The following PAF1 variants were observed in gnomAD, a reference collection of about 807,000 sequenced individuals.
PAF1 encodes the protein PAF1 component of Paf1/RNA polymerase II complex, also known as RNA polymerase II-associated factor 1 homolog.
In PAF1, 31 loss-of-function variants were observed where a neutral mutation model predicts 68.4. The ratio of observed to expected loss-of-function variants is 0.45; its 90% CI spans 0.34 to 0.61. PAF1 has a LOEUF of 0.61. PAF1 is among the 20% of genes least tolerant of loss of function. The pLI is 0.01. For synonymous variants in PAF1, 256 were observed against 240.5 expected, an observed-to-expected ratio of 1.06 and a Z score of -0.60; for missense variants, 435 against 692.9, an observed-to-expected ratio of 0.63 and a Z score of 4.18.
At chr19:39,390,481 C>T (rs1289937596) in intron 1 of PAF1, among the ~76,000 whole-genome samples, 192 bp from the exon 2 acceptor site, 1 of 152,176 alleles carries the variant, frequency 6.6e-6, no homozygotes, top group Non-Finnish European at 1.5e-5. Context: ...GAAATGCCCC[C>T]AAAAGCTTTA....
At chr19:39,390,324 A>G in intron 1 of PAF1, 35 bp from the exon 2 acceptor site, 1 of 1,592,586 alleles carries the variant, frequency 6.3e-7, no homozygotes, top group Non-Finnish European at 8.6e-7. Flanking sequence ...ATAGGTGGAG[A>G]GGACGGGATT....
chr19:39,390,375 T>TATA (rs67921476), intron 1 of PAF1, 86 bp from the exon 2 acceptor site: 4 of 1,297,892 alleles, frequency 3.1e-6, no homozygotes, highest in East Asian at 5.0e-5. Context: ...TTTCAAAAGG[T>TATA]AGGAGGGGTG....
chr19:39,389,986 G>T lies in PAF1; in HGVS notation c.170+83C>A. On this transcript the variant is annotated intron_variant, in intron 3 of 13. Transcript: ENST00000221265. This position sits in a 1 kb window ranked among gnomAD's most constrained non-coding sequence, Gnocchi z 5.3. ...TAGGGTAGGTACTGTGCTAGGCCCT[G>T]AGCAGACAGCAGCCAACGAGACAAG... The T allele has an allele frequency of 8.4e-7, 1 of 1,190,850 alleles. No homozygotes were observed. Among genetic ancestry groups the T allele is most frequent in the Non-Finnish European group, 1.2e-6 (1 of 801,254 alleles). The allele number at this position is 1,190,850 out of a possible 1,614,324, so 73.8% of individuals were successfully genotyped here.
In PAF1 at chr19:39,388,935, C is replaced by G. The variant is rs139469203; in HGVS notation, c.636+12G>C. The G allele has an allele frequency of 2.6e-4, 423 of 1,613,976 alleles. No individual in the cohort carries two copies. In the African/African-American group the frequency reaches 5.1e-3, roughly 19 times the overall value. On this transcript the variant is annotated intron_variant, in intron 8 of 13. Transcript: ENST00000221265. ...TAGGCTGTCCCTTTCTACCTCCCACCTTGGGCCTGACCTTAAAGTCTGGGA... is the reference window on the plus strand; with the variant it reads ...TAGGCTGTCCCTTTCTACCTCCCACGTTGGGCCTGACCTTAAAGTCTGGGA...
rs940322979 is a variant in PAF1 at position 39,386,848 on chromosome 19, C to G, written c.987-49G>C. On this transcript the variant is annotated intron_variant, in intron 11 of 13. Transcript: ENST00000221265. This position sits in a 1 kb window ranked among gnomAD's most constrained non-coding sequence, Gnocchi z 6.1. ...GAGAAGTGGAAGATGCAGTTAAAGA[C>G]ACACCTCCCACTTCCCCGCCCCCCA... 1 of 1,249,926 alleles carries G rather than the reference C, an allele frequency of 8.0e-7. No homozygotes were observed. Among genetic ancestry groups the G allele is most frequent in the South Asian group, 1.2e-5 (1 of 83,818 alleles). 77.4% of individuals were successfully genotyped at this position (1,249,926 alleles called of 1,614,324 possible). A position where few individuals can be genotyped will look rare whatever the true frequency, so the allele number is the denominator to read the frequency against.
At position 39,386,889 on chromosome 19, in the gene PAF1, T is replaced by A; in HGVS notation, c.987-90A>T. The A allele has an allele frequency of 1.2e-6, 1 of 854,708 alleles. No homozygotes were observed. The highest frequency in any genetic ancestry group is 2.0e-6 in the Non-Finnish European group (1 of 500,692). 52.9% of individuals were successfully genotyped at this position (854,708 alleles called of 1,614,324 possible). A position where few individuals can be genotyped will look rare whatever the true frequency, so the allele number is the denominator to read the frequency against. Reference sequence around the variant, plus strand: ...CCGCCCCCCAGTGAGGGGTCTGGTCTGACTTGGTTCCCCATCAATACTTAG... The same window carrying A: ...CCGCCCCCCAGTGAGGGGTCTGGTCAGACTTGGTTCCCCATCAATACTTAG... On this transcript the variant is annotated intron_variant, in intron 11 of 13. Transcript: ENST00000221265. The surrounding 1 kb of genome is among the most constrained non-coding windows in gnomAD (Gnocchi z 6.1).
intron 9 of PAF1, 36 bp from the exon 10 acceptor site, chr19:39,388,712 G>A (rs1200127584): frequency 2.5e-6 from 4 of 1,610,260 alleles, no homozygotes; most frequent in Non-Finnish European, 1.7e-6. Flanking sequence ...TGAAGTGTGA[G>A]GACAAGAGGC....
At chr19:39,387,828 C>G (rs2078286465) in intron 11 of PAF1, among the ~76,000 whole-genome samples, 3 of 152,210 alleles carry the variant, frequency 2.0e-5, no homozygotes, top group Non-Finnish European at 4.4e-5. Flanking sequence ...CGCAAAGGCT[C>G]TAAATGTCTC....
In PAF1 at chr19:39,388,687, G is replaced by C; in HGVS notation, c.741-11C>G. 3 of 1,612,980 alleles carry C rather than the reference G, an allele frequency of 1.9e-6. No individual in the cohort carries two copies. Among genetic ancestry groups the C allele is most frequent in the Non-Finnish European group, 2.5e-6 (3 of 1,178,940 alleles). On this transcript the variant is annotated splice_polypyrimidine_tract_variant and intron_variant, in intron 9 of 13. Transcript: ENST00000221265. ...TCATCCATCATGCCCCTGGTTGGGG[G>C]AAAAGGAGTAGCAATGAAGTGTGAG...
rs1290188033 is a variant in PAF1, at chr19:39,388,628, A to G, written c.789T>C (p.Pro263=). ...EGNQFVAYFL[P]VEETLKKRKR... Reference sequence around the variant, plus strand: ...TTCGTTTCTTCAACGTCTCTTCTACAGGCAGGAAATAGGCCACAAACTGGT... The same window carrying G: ...TTCGTTTCTTCAACGTCTCTTCTACGGGCAGGAAATAGGCCACAAACTGGT... Residue 263 remains proline, a synonymous_variant, in exon 10 of 14, where the codon CCT becomes CCC. Coordinates refer to ENST00000221265, the MANE Select transcript of PAF1 (RefSeq NM_019088.4). The G allele has an allele frequency of 6.2e-7, 1 of 1,614,146 alleles. No individual in the cohort carries two copies. Among genetic ancestry groups the G allele is most frequent in the East Asian group, 2.2e-5 (1 of 44,886 alleles).
chr19:39,389,608 C>G lies in PAF1; in HGVS notation c.292+32G>C, dbSNP rs770596314. 1.2e-6 allele frequency: 2 copies of G among 1,614,190 alleles called. No individual in the cohort carries two copies. Among genetic ancestry groups the G allele is most frequent in the Non-Finnish European group, 1.7e-6 (2 of 1,180,032 alleles). Reference sequence around the variant, plus strand: ...GGCCCAGGCCTGAGCCTTTGCTGACCTAGAGCAGACCCTCCCTGTCTCCCC... The same window carrying G: ...GGCCCAGGCCTGAGCCTTTGCTGACGTAGAGCAGACCCTCCCTGTCTCCCC... On this transcript the variant is annotated intron_variant, in intron 4 of 13. Coordinates refer to ENST00000221265, the MANE Select transcript of PAF1 (RefSeq NM_019088.4). This position sits in a 1 kb window ranked among gnomAD's most constrained non-coding sequence, Gnocchi z 5.3.
intron 11 of PAF1, among the ~76,000 whole-genome samples, chr19:39,387,661 C>A (rs1296753639): frequency 1.3e-5 from 2 of 152,198 alleles, no homozygotes; most frequent in Non-Finnish European, 2.9e-5. Context: ...AACTTTGAGC[C>A]ATAAGGGAAG....
chr19:39,387,296 C>T (rs138432417), intron 11 of PAF1: 265 of 310,970 alleles, frequency 8.5e-4, no homozygotes, highest in African/African-American at 4.8e-3. Context: ...AGTAAAGATA[C>T]GGTATTCTAT....
rs759112237 is a variant in PAF1, at chr19:39,386,837, G to A, written c.987-38C>T. 2 of 1,432,612 alleles carry A rather than the reference G, an allele frequency of 1.4e-6. No homozygotes were observed. The highest frequency in any genetic ancestry group is 2.3e-5 in the South Asian group (2 of 87,374). 88.7% of individuals were successfully genotyped at this position (1,432,612 alleles called of 1,614,324 possible). The stretch of plus-strand genomic sequence containing the variant: ...AATTTGGGAGAGAGAAGTGGAAGAT[G>A]CAGTTAAAGACACACCTCCCACTTC... On this transcript the variant is annotated intron_variant, in intron 11 of 13. Transcript: ENST00000221265. The surrounding 1 kb of genome is among the most constrained non-coding windows in gnomAD (Gnocchi z 6.1).
At position 39,388,589 on chromosome 19, in the gene PAF1, C is replaced by T; in HGVS notation, c.828G>A (p.Glu276=). The T allele has an allele frequency of 1.2e-6, 2 of 1,614,190 alleles. No homozygotes were observed. The highest frequency in any genetic ancestry group is 1.1e-5 in the South Asian group (1 of 91,090). Residue 276 remains glutamate (E), a synonymous_variant, in exon 10 of 14, where the codon GAG becomes GAA. Coordinates refer to ENST00000221265, the MANE Select transcript of PAF1 (RefSeq NM_019088.4). ...CATCTGGTGCATAGTCCATCTCCTC[C>T]TCCTGGTCCCGCTTTCGTTTCTTCA... ...ETLKKRKRDQ[E]EEMDYAPDDV...
rs2078310757 is a variant in PAF1, at chr19:39,388,876, G to A, written c.637-11C>T. On this transcript the variant is annotated splice_polypyrimidine_tract_variant and intron_variant, in intron 8 of 13. Transcript: ENST00000221265. ...TGGATTGATCCACATCTAGGGAGAT[G>A]GAGGCACTGGGGTTAGATGGGAACA... 2 of 1,612,610 alleles carry A rather than the reference G, an allele frequency of 1.2e-6. No homozygotes were observed. Among genetic ancestry groups the A allele is most frequent in the African/African-American group, 1.3e-5 (1 of 75,000 alleles).
At position 39,389,084 on chromosome 19, in the gene PAF1, C is replaced by T; in HGVS notation, c.567+9G>A. 1 of 1,612,716 alleles carries T rather than the reference C, an allele frequency of 6.2e-7. No individual in the cohort carries two copies. The highest frequency in any genetic ancestry group is 1.1e-5 in the South Asian group (1 of 91,060). On this transcript the variant is annotated intron_variant, in intron 7 of 13. Coordinates refer to ENST00000221265, the MANE Select transcript of PAF1 (RefSeq NM_019088.4). This position sits in a 1 kb window ranked among gnomAD's most constrained non-coding sequence, Gnocchi z 5.3. ...CCCTTGCCTCTCCCCATCCCAGTCCCTCAATTACTGATTTCTGGGCATCCT... is the reference window on the plus strand; with the variant it reads ...CCCTTGCCTCTCCCCATCCCAGTCCTTCAATTACTGATTTCTGGGCATCCT...
In PAF1 at chr19:39,385,872, T is replaced by G. The variant is rs1161799953; in HGVS notation, c.*119A>C. 6 of 1,443,964 alleles carry G rather than the reference T, an allele frequency of 4.2e-6. No individual in the cohort carries two copies. Among genetic ancestry groups the G allele is most frequent in the Non-Finnish European group, 5.5e-6 (6 of 1,081,446 alleles). 89.4% of individuals were successfully genotyped at this position (1,443,964 alleles called of 1,614,324 possible). A position where few individuals can be genotyped will look rare whatever the true frequency, so the allele number is the denominator to read the frequency against. The stretch of plus-strand genomic sequence containing the variant: ...GGAAGTAAAGAGAAGTTGACTTTAT[T>G]AACAGCAAAGGTTTGGGGGTGGGGA... On this transcript the variant is annotated 3_prime_UTR_variant, in exon 14 of 14. Coordinates refer to ENST00000221265, the MANE Select transcript of PAF1 (RefSeq NM_019088.4).
chr19:39,390,333 T>A (rs1449003982), intron 1 of PAF1, 44 bp from the exon 2 acceptor site: 1 of 1,574,038 alleles, frequency 6.4e-7, no homozygotes, highest in Admixed American at 1.8e-5. Context: ...GAGGACGGGA[T>A]TGACAGGAGA....
Sources: allele counts gnomAD v4.1 joint callset (sites outside exome capture counted in the v4.1 genomes callset), GRCh38; gene constraint gnomAD v4.1.1; non-coding constraint Gnocchi (gnomAD v3.1); transcripts MANE v1.5; gene names NCBI Gene and HGNC (gene_info 2026-07-23, HGNC 2026-07-21).